SLC16A12: variants seen among roughly 807,000 people sequenced by gnomAD.
SLC16A12 encodes the protein monocarboxylate transporter 12.
Under a neutral mutation model 42.4 loss-of-function variants are expected in SLC16A12, and 17 were observed. That is an observed-to-expected ratio of 0.40 (90% CI 0.27 to 0.60). The LOEUF (loss-of-function observed/expected upper bound fraction) is 0.60. SLC16A12 is among the 20% of genes least tolerant of loss of function. The probability of loss-of-function intolerance (pLI) is 0.42; values close to 1 mark genes in which losing one functional copy is unlikely to be tolerated. For missense variants in SLC16A12, 544 were observed against 623.0 expected, an observed-to-expected ratio of 0.87 and a Z score of 1.35; for synonymous variants, 224 against 229.4, an observed-to-expected ratio of 0.98 and a Z score of 0.21.
chr10:89,479,236 G>C (rs1182328540), intron 2 of SLC16A12, among the ~76,000 whole-genome samples: 1 of 151,898 alleles, frequency 6.6e-6, no homozygotes, highest in Non-Finnish European at 1.5e-5. Flanking sequence ...CTCACTTTTC[G>C]CTGTAAGAGG....
At chr10:89,539,872 T>TCTTC (rs1843701784), upstream of SLC16A12, among the ~76,000 whole-genome samples, 1 of 143,076 alleles carries the variant, frequency 7.0e-6, no homozygotes, top group African/African-American at 2.8e-5. Flanking sequence ...TTTCTTTCTT[T>TCTTC]CTTTCTTTCT....
At chr10:89,539,873 C>CTTTCTTTCTTTCTTTCTTTCTTTCTTTA (rs1843701865), upstream of SLC16A12, among the ~76,000 whole-genome samples, 2 of 143,014 alleles carry the variant, frequency 1.4e-5, no homozygotes, top group Non-Finnish European at 3.0e-5. Flanking sequence ...TTCTTTCTTT[C>CTTTCTTTCTTTCTTTCTTTCTTTCTTTA]TTTCTTTCTT....
At chr10:89,486,605 AAGAAAGAAAG>A (rs1842748734) in intron 2 of SLC16A12, among the ~76,000 whole-genome samples, 1 of 43,756 alleles carries the variant, frequency 2.3e-5, no homozygotes, top group African/African-American at 1.1e-4. Flanking sequence ...AAAAAAAAAA[AAGAAAGAAAG>A]AAAGAAAGAA....
intron 2 of SLC16A12, among the ~76,000 whole-genome samples, chr10:89,531,463 G>A (rs10785885): frequency 0.46 from 69,846 of 152,012 alleles, 18,234 homozygotes; most frequent in African/African-American, 0.73. Context: ...ACCAAACACC[G>A]CTGTAAGCAT....
chr10:89,460,495 G>A (rs1186790688), intron 3 of SLC16A12, among the ~76,000 whole-genome samples: 3 of 151,656 alleles, frequency 2.0e-5, no homozygotes, highest in Non-Finnish European at 2.9e-5. Context: ...AGGCTGAGGC[G>A]GGTGGATCAC....
chr10:89,526,754 G>A (rs1000848951), intron 2 of SLC16A12, among the ~76,000 whole-genome samples: 5 of 152,192 alleles, frequency 3.3e-5, no homozygotes, highest in Non-Finnish European at 7.3e-5. Context: ...CTGGACATCG[G>A]TCCGCCACCC....
chr10:89,521,138 T>A (rs1469435964), intron 2 of SLC16A12, among the ~76,000 whole-genome samples: 1 of 152,222 alleles, frequency 6.6e-6, no homozygotes, highest in East Asian at 1.9e-4. Context: ...GTTGAGGACT[T>A]GATTGCCAGC....
At chr10:89,525,481 G>A (rs927980960) in intron 2 of SLC16A12, among the ~76,000 whole-genome samples, 2 of 152,130 alleles carry the variant, frequency 1.3e-5, no homozygotes, top group African/African-American at 4.8e-5. Flanking sequence ...AACGAAAGAA[G>A]TCAATCTCAG....
intron 2 of SLC16A12, among the ~76,000 whole-genome samples, chr10:89,553,197 T>A (rs945608494): frequency 3.3e-5 from 5 of 152,262 alleles, no homozygotes; most frequent in African/African-American, 1.2e-4. Flanking sequence ...AATAACAGAA[T>A]GTCTGACTTG....
At chr10:89,494,541 A>G (rs951170007) in intron 2 of SLC16A12, among the ~76,000 whole-genome samples, 1 of 152,230 alleles carries the variant, frequency 6.6e-6, no homozygotes, top group Non-Finnish European at 1.5e-5. Flanking sequence ...CTCCTAAAAC[A>G]TTGCTGGTGG....
rs1589653385 is a variant in SLC16A12, at chr10:89,430,930, A to G, written c.*2134T>C. ...TTTAGGCTTGAAAATTCAAGAAATGATATTTAGGGCAAAGTGCTATTCCAA... is the reference window on the plus strand; with the variant it reads ...TTTAGGCTTGAAAATTCAAGAAATGGTATTTAGGGCAAAGTGCTATTCCAA... On this transcript the variant is annotated 3_prime_UTR_variant, in exon 8 of 8. Coordinates refer to ENST00000371790, the MANE Select transcript of SLC16A12 (RefSeq NM_213606.4). The G allele has an allele frequency of 1.2e-5, 4 of 338,886 alleles. No homozygotes were observed. Among genetic ancestry groups the G allele is most frequent in the East Asian group, 8.0e-5 (1 of 12,430 alleles). The allele number at this position is 338,886 out of a possible 1,614,324, so 21.0% of individuals were successfully genotyped here.
At chr10:89,462,158 A>G (rs1159402112) in intron 3 of SLC16A12, among the ~76,000 whole-genome samples, 2 of 152,156 alleles carry the variant, frequency 1.3e-5, no homozygotes, top group Admixed American at 1.3e-4. Context: ...ACGGAAATAT[A>G]CACACCCCAC....
upstream of SLC16A12, among the ~76,000 whole-genome samples, chr10:89,539,881 C>CTTTCTTTCTTTCTTTCTTTCTTTA (rs1554834003): frequency 3.5e-3 from 510 of 144,094 alleles, 3 homozygotes; most frequent in Non-Finnish European, 5.9e-3. Context: ...TTCTTTCTTT[C>CTTTCTTTCTTTCTTTCTTTCTTTA]TTTCTTTCTT....
Position 89,487,964 on chromosome 10 carries a change from G to GTATATA in SLC16A12, c.-46-25346_-46-25341dup, listed in dbSNP as rs147234370. On this transcript the variant is annotated intron_variant, in intron 2 of 7. Coordinates refer to ENST00000371790, the MANE Select transcript of SLC16A12 (RefSeq NM_213606.4). ...TGGATAAAGAAAATGTGGTGTGTGT[G>GTATATA]TATATATATATATATATATATATAT... Among the ~76,000 whole-genome samples, 487 of 126,638 alleles carry GTATATA rather than the reference G, an allele frequency of 3.8e-3. 2 individuals carry two copies. Among genetic ancestry groups the GTATATA allele is most frequent in the Middle Eastern group, 0.025 (6 of 238 alleles). The allele number at this position is 126,638 out of a possible 152,430, so 83.1% of individuals were successfully genotyped here.
At chr10:89,434,002 A>G (rs1022591055) in intron 7 of SLC16A12, among the ~76,000 whole-genome samples, 2 of 152,224 alleles carry the variant, frequency 1.3e-5, no homozygotes, top group African/African-American at 4.8e-5. Flanking sequence ...TCGTCAGGCA[A>G]TTATTTTATA....
rs1324380598 is a variant in SLC16A12 at position 89,509,353 on chromosome 10, T to C, written c.-47+25148A>G. ...AACGTGAAAATTCTCAATAAAATAC[T>C]GGCAAACCGAATCCAGTGGCACATC... On this transcript the variant is annotated intron_variant, in intron 2 of 7. Coordinates refer to ENST00000371790, the MANE Select transcript of SLC16A12 (RefSeq NM_213606.4). 2.0e-5 allele frequency among the ~76,000 whole-genome samples: 3 copies of C among 152,306 alleles called. No homozygotes were observed. The South Asian group carries it at 6.2e-4, about 32-fold the overall frequency.
intron 2 of SLC16A12, among the ~76,000 whole-genome samples, chr10:89,480,080 AT>A (rs1230054097): frequency 1.3e-5 from 2 of 152,214 alleles, no homozygotes; most frequent in East Asian, 3.8e-4. Flanking sequence ...ATCTTTAAAA[AT>A]AAAAAAGAAA....
chr10:89,540,147 G>A (rs913169607), upstream of SLC16A12, among the ~76,000 whole-genome samples: 1 of 151,452 alleles, frequency 6.6e-6, no homozygotes, highest in Non-Finnish European at 1.5e-5. Context: ...CACCCAGGTT[G>A]GAGTGCAGTG....
At chr10:89,514,907 A>G (rs1843222713) in intron 2 of SLC16A12, among the ~76,000 whole-genome samples, 1 of 152,182 alleles carries the variant, frequency 6.6e-6, no homozygotes, top group Admixed American at 6.5e-5. Context: ...CCTGGCCAAC[A>G]TGGTGAAACC....
Sources: allele counts gnomAD v4.1 joint callset (sites outside exome capture counted in the v4.1 genomes callset), GRCh38; gene constraint gnomAD v4.1.1; transcripts MANE v1.5; gene names NCBI Gene and HGNC (gene_info 2026-07-23, HGNC 2026-07-21).